Variants in CADM2 observed in about 807,000 individuals in gnomAD.
CADM2 encodes immunoglobulin superfamily member 4D.
In CADM2, 12 loss-of-function variants were observed where a neutral mutation model predicts 49.8. The observed-to-expected ratio is 0.24, with a 90% CI of 0.15 to 0.39. The LOEUF (loss-of-function observed/expected upper bound fraction) is 0.39. Ranked by LOEUF, CADM2 falls within the 10% of genes least tolerant of loss-of-function variation. The pLI is 1.00. For missense variants in CADM2, 378 were observed against 492.3 expected (o/e 0.77, Z 2.20); for synonymous variants, 214 against 175.4 (o/e 1.22, Z -1.74).
intron 8 of CADM2, chr3:85,979,316 G>A: frequency 6.2e-7 from 1 of 1,602,370 alleles, no homozygotes; most frequent in Non-Finnish European, 8.5e-7. Context: ...AGCCTGGAAA[G>A]CACATTAACT....
At chr3:85,409,788 A>T (rs2035573670) in intron 1 of CADM2, among the ~76,000 whole-genome samples, 1 of 152,134 alleles carries the variant, frequency 6.6e-6, no homozygotes, top group East Asian at 1.9e-4. Context: ...GAACCCTGTC[A>T]CTAGATGTGA....
intron 1 of CADM2, among the ~76,000 whole-genome samples, chr3:85,382,665 C>A (rs960220541): frequency 1.3e-5 from 2 of 152,012 alleles, no homozygotes; most frequent in Non-Finnish European, 2.9e-5. Flanking sequence ...CTATGCAGAT[C>A]ACTCTTAAAA....
chr3:84,966,761 A>C (rs1212505271), intron 1 of CADM2, among the ~76,000 whole-genome samples: 2 of 152,064 alleles, frequency 1.3e-5, no homozygotes, highest in African/African-American at 4.8e-5. Flanking sequence ...TTTTGGAAAC[A>C]ACTCTTTCTG....
intron 1 of CADM2, among the ~76,000 whole-genome samples, chr3:85,568,460 T>TTTCC (rs1559915975): frequency 3.3e-5 from 1 of 30,676 alleles, no homozygotes; most frequent in Non-Finnish European, 6.7e-5. Flanking sequence ...TCTTTCTTTC[T>TTTCC]TTCTCTTTCT....
chr3:85,030,084 C>T (rs2034911299), intron 1 of CADM2, among the ~76,000 whole-genome samples: 1 of 152,174 alleles, frequency 6.6e-6, no homozygotes, highest in South Asian at 2.1e-4. Context: ...CTCTGGTCCC[C>T]AGGACGTAAT....
At chr3:85,886,359 A>G in intron 5 of CADM2, 32 bp downstream of exon 5, 1 of 1,517,368 alleles carries the variant, frequency 6.6e-7, no homozygotes, top group Non-Finnish European at 9.1e-7. Flanking sequence ...ATCAAAATTA[A>G]TGTGCTGAAA....
Position 84,985,234 on chromosome 3 carries a change from C to T in CADM2, c.61+25566C>T, listed in dbSNP as rs562087007. Among the ~76,000 whole-genome samples, 73 of 152,012 alleles carry T rather than the reference C, an allele frequency of 4.8e-4. 1 individual carries two copies. The highest frequency in any genetic ancestry group is 3.9e-4 in the Admixed American group (6 of 15,254). On this transcript the variant is annotated intron_variant, in intron 1 of 9. Coordinates refer to ENST00000383699, the MANE Select transcript of CADM2 (RefSeq NM_001167675.2). ...TATTGCCAATAATATTCCTTTGTAACCTTATGAACTATATTATATTAATTC... is the reference window on the plus strand; with the variant it reads ...TATTGCCAATAATATTCCTTTGTAATCTTATGAACTATATTATATTAATTC...
intron 9 of CADM2, 45 bp from the exon 10 acceptor site, chr3:86,066,620 T>C (rs1312521789): frequency 1.4e-6 from 2 of 1,387,922 alleles, no homozygotes; most frequent in Admixed American, 3.4e-5. Context: ...CTGGGTATTT[T>C]ACCAGTCTCA....
chr3:85,103,784 G>T (rs1484212084), intron 1 of CADM2, among the ~76,000 whole-genome samples: 1 of 152,152 alleles, frequency 6.6e-6, no homozygotes, highest in Non-Finnish European at 1.5e-5. Context: ...GTACTTCAAG[G>T]AGTACTTGAA....
chr3:85,343,771 G>A (rs1292868402), intron 1 of CADM2, among the ~76,000 whole-genome samples: 1 of 152,192 alleles, frequency 6.6e-6, no homozygotes, highest in African/African-American at 2.4e-5. Flanking sequence ...GCTTCAGAGA[G>A]GAAGCCAGGC....
chr3:85,408,645 T>G (rs1440325707), intron 1 of CADM2, among the ~76,000 whole-genome samples: 1 of 152,188 alleles, frequency 6.6e-6, no homozygotes, highest in Non-Finnish European at 1.5e-5. Flanking sequence ...TCCCTCTTAT[T>G]CTGAGCAGTG....
intron 1 of CADM2, among the ~76,000 whole-genome samples, chr3:85,691,065 A>C: frequency 6.6e-6 from 1 of 151,808 alleles, no homozygotes; most frequent in African/African-American, 2.4e-5. Flanking sequence ...ATCTCTCCCT[A>C]CTCTGCCCTT....
intron 6 of CADM2, among the ~76,000 whole-genome samples, chr3:85,933,063 C>A (rs148578917): frequency 6.6e-6 from 1 of 152,102 alleles, no homozygotes; most frequent in Non-Finnish European, 1.5e-5. Context: ...CCACATTGTG[C>A]GTTCCTCTTT....
intron 1 of CADM2, among the ~76,000 whole-genome samples, chr3:85,207,738 A>G (rs1225217734): frequency 6.6e-6 from 1 of 152,204 alleles, no homozygotes; most frequent in East Asian, 1.9e-4. Flanking sequence ...TTAAAATAAG[A>G]AAACCAACTG....
chr3:85,046,990 A>G (rs992284419), intron 1 of CADM2, among the ~76,000 whole-genome samples: 33 of 152,188 alleles, frequency 2.2e-4, no homozygotes, highest in African/African-American at 7.7e-4. Flanking sequence ...CCTAAAAAAT[A>G]AGACATAAAA....
intron 3 of CADM2, among the ~76,000 whole-genome samples, chr3:85,809,012 T>G (rs754904560): frequency 2.6e-5 from 4 of 152,206 alleles, no homozygotes; most frequent in African/African-American, 4.8e-5. Flanking sequence ...CAGGCTTTAT[T>G]AAAGATTAAC....
chr3:85,550,874 CA>C (rs1286426904), intron 1 of CADM2, among the ~76,000 whole-genome samples: 1 of 152,180 alleles, frequency 6.6e-6, no homozygotes, highest in Non-Finnish European at 1.5e-5. Flanking sequence ...TTTCACTGCA[CA>C]GGTGTTTTGT....
At chr3:85,350,178 G>T (rs191647460) in intron 1 of CADM2, among the ~76,000 whole-genome samples, 2 of 152,050 alleles carry the variant, frequency 1.3e-5, no homozygotes, top group East Asian at 1.9e-4. Flanking sequence ...CTGAGGGTGG[G>T]ATTAGAAGGT....
rs2034444594 is a variant in CADM2, at chr3:85,020,371, A to G, written c.61+60703A>G. Among the ~76,000 whole-genome samples the G allele has an allele frequency of 2.0e-5, 3 of 152,200 alleles. No individual in the cohort carries two copies. The South Asian group carries it at 6.2e-4, about 32-fold the overall frequency. On this transcript the variant is annotated intron_variant, in intron 1 of 9. Transcript: ENST00000383699. ...TTAAACTTTTCCACATTTTTTGATC[A>G]TGGAACATATTTAAAAATTATGATA...
Sources: allele counts gnomAD v4.1 joint callset (sites outside exome capture counted in the v4.1 genomes callset), GRCh38; gene constraint gnomAD v4.1.1; transcripts MANE v1.5; gene names NCBI Gene and HGNC (gene_info 2026-07-23, HGNC 2026-07-21).